KHDRBS2: variants seen among roughly 807,000 people sequenced by gnomAD.
KHDRBS2 encodes the protein KH domain-containing, RNA-binding, signal transduction-associated protein 2.
A neutral mutation model predicts 44.3 loss-of-function variants in KHDRBS2; 26 were observed. The ratio of observed to expected loss-of-function variants is 0.59; its 90% confidence interval spans 0.43 to 0.81. The LOEUF (loss-of-function observed/expected upper bound fraction) is 0.81, where lower values mean the gene tolerates loss of function less well. Among genes scored for constraint, KHDRBS2 ranks in the 40% least tolerant of loss-of-function variants. The pLI, the probability that KHDRBS2 is intolerant of heterozygous loss-of-function variation, is 0.00. For missense variants in KHDRBS2, 476 were observed against 433.1 expected (o/e 1.10, Z -0.88); for synonymous variants, 194 against 151.1 (o/e 1.28, Z -2.08).
chr6:62,138,217 C>A (rs1584912435), intron 2 of KHDRBS2, among the ~76,000 whole-genome samples: 1 of 152,164 alleles, frequency 6.6e-6, no homozygotes, highest in South Asian at 2.1e-4. Flanking sequence ...ATCATATACT[C>A]CTCTTCAGCT....
intron 4 of KHDRBS2, among the ~76,000 whole-genome samples, chr6:61,955,691 T>TAC (rs1309793817): frequency 3.2e-5 from 4 of 123,728 alleles, no homozygotes; most frequent in African/African-American, 1.0e-4. Flanking sequence ...TATGTATACA[T>TAC]ATATGTGTAT....
chr6:62,081,350 G>T (rs184689473), intron 2 of KHDRBS2, among the ~76,000 whole-genome samples: 332 of 152,242 alleles, frequency 2.2e-3, no homozygotes, highest in Non-Finnish European at 2.0e-3. Context: ...AGAAAGTAAA[G>T]TGTTATACTT....
chr6:61,583,234 T>C, the KHDRBS2 span, among the ~76,000 whole-genome samples: 2 of 151,856 alleles, frequency 1.3e-5, no homozygotes, highest in African/African-American at 4.8e-5. Context: ...CCAAACAGTG[T>C]CCACCTTTTT....
intron 1 of KHDRBS2, among the ~76,000 whole-genome samples, chr6:62,230,079 C>T (rs947415452): frequency 1.3e-5 from 2 of 152,158 alleles, no homozygotes; most frequent in Non-Finnish European, 2.9e-5. Flanking sequence ...TGGGCAAGCA[C>T]CTTCCTTGCT....
intron 8 of KHDRBS2, among the ~76,000 whole-genome samples, chr6:61,689,881 A>C (rs1767206422): frequency 6.6e-6 from 1 of 152,008 alleles, no homozygotes; most frequent in African/African-American, 2.4e-5. Context: ...ACAGATATAC[A>C]TAGATACATA....
At chr6:61,847,436 T>C (rs1431659900) in intron 6 of KHDRBS2, among the ~76,000 whole-genome samples, 1 of 152,136 alleles carries the variant, frequency 6.6e-6, no homozygotes, top group African/African-American at 2.4e-5. Context: ...TGCCTTGTCA[T>C]AAAGATATGA....
chr6:61,662,383 C>A, the KHDRBS2 span, among the ~76,000 whole-genome samples: 3 of 150,848 alleles, frequency 2.0e-5, no homozygotes, highest in East Asian at 2.0e-4. Flanking sequence ...GCAACAAAAG[C>A]CAAAATTGAC....
At chr6:62,158,763 T>C (rs1816993420) in intron 2 of KHDRBS2, among the ~76,000 whole-genome samples, 2 of 152,122 alleles carry the variant, frequency 1.3e-5, no homozygotes, top group South Asian at 2.1e-4. Context: ...TTCTAAACAA[T>C]ACCTTCTCTT....
At chr6:62,197,895 C>A (rs1206075597) in intron 1 of KHDRBS2, among the ~76,000 whole-genome samples, 4 of 152,138 alleles carry the variant, frequency 2.6e-5, no homozygotes, top group Non-Finnish European at 5.9e-5. Flanking sequence ...GTCTCTCAGA[C>A]CACAGTGCAA....
chr6:62,153,153 ATACT>A (rs762750823), intron 2 of KHDRBS2, among the ~76,000 whole-genome samples: 39 of 152,316 alleles, frequency 2.6e-4, no homozygotes, highest in Non-Finnish European at 5.1e-4. Flanking sequence ...CTCTCTTCCA[ATACT>A]TAAATTAATT....
At chr6:61,652,733 C>A in the KHDRBS2 span, among the ~76,000 whole-genome samples, 2 of 151,994 alleles carry the variant, frequency 1.3e-5, no homozygotes, top group African/African-American at 2.4e-5. Context: ...AAAGGAACCA[C>A]CCAGAGCTGT....
chr6:61,749,015 T>C (rs191465985), intron 6 of KHDRBS2, among the ~76,000 whole-genome samples: 5,887 of 137,006 alleles, frequency 0.043, 145 homozygotes, highest in East Asian at 0.089. Flanking sequence ...CTTTCTTTTT[T>C]TTTTTTTTTT....
intron 2 of KHDRBS2, among the ~76,000 whole-genome samples, chr6:62,089,188 G>A (rs1443404949): frequency 6.0e-5 from 9 of 149,902 alleles, no homozygotes; most frequent in African/African-American, 9.8e-5. Context: ...GAGCTAGATC[G>A]CTTGGCTCCC....
At position 62,102,314 on chromosome 6, in the gene KHDRBS2, A is replaced by T. The variant is rs181016268; in HGVS notation, c.220-54320T>A. On this transcript the variant is annotated intron_variant, in intron 2 of 8. Coordinates refer to ENST00000281156, the MANE Select transcript of KHDRBS2 (RefSeq NM_152688.4). The stretch of plus-strand genomic sequence containing the variant: ...CCCAAGACTGGGTAATTTATAAAGG[A>T]AACAGGGTCAACTGACTTATAGTTC... 4.4e-4 allele frequency among the ~76,000 whole-genome samples: 67 copies of T among 152,298 alleles called. 1 individual carries two copies. Among genetic ancestry groups the T allele is most frequent in the Middle Eastern group, 3.4e-3 (1 of 294 alleles).
At chr6:61,721,760 A>G (rs1446869877) in intron 7 of KHDRBS2, among the ~76,000 whole-genome samples, 2 of 103,350 alleles carry the variant, frequency 1.9e-5, no homozygotes, top group African/African-American at 6.8e-5. Context: ...TCCTAATTGA[A>G]TACCTTTTAT....
chr6:61,624,414 T>G, the KHDRBS2 span, among the ~76,000 whole-genome samples: 1 of 152,198 alleles, frequency 6.6e-6, no homozygotes. Context: ...TGTTGTTCCT[T>G]TCTAGAAGAA....
At chr6:62,276,794 T>C (rs1374080495) in intron 1 of KHDRBS2, among the ~76,000 whole-genome samples, 1 of 152,230 alleles carries the variant, frequency 6.6e-6, no homozygotes, top group East Asian at 1.9e-4. Flanking sequence ...ATAGCTGACA[T>C]TCTTTCAAAG....
chr6:61,781,670 G>T (rs1782951412), intron 6 of KHDRBS2, among the ~76,000 whole-genome samples: 1 of 152,082 alleles, frequency 6.6e-6, no homozygotes, highest in South Asian at 2.1e-4. Context: ...TAGTGGTCAA[G>T]TCAGGGCTTT....
intron 8 of KHDRBS2, among the ~76,000 whole-genome samples, chr6:61,687,897 C>T (rs1766994990): frequency 6.6e-6 from 1 of 151,598 alleles, no homozygotes; most frequent in Admixed American, 6.6e-5. Context: ...CAGGTGAGGC[C>T]ACTGTGATTT....
Sources: allele counts gnomAD v4.1 joint callset (sites outside exome capture counted in the v4.1 genomes callset), GRCh38; gene constraint gnomAD v4.1.1; transcripts MANE v1.5; gene names NCBI Gene and HGNC (gene_info 2026-07-23, HGNC 2026-07-21).